KCNN2: variants seen among roughly 807,000 people sequenced by gnomAD.
KCNN2 encodes small conductance calcium-activated potassium channel protein 2.
KCNN2 carries 24 observed loss-of-function variants against 55.5 expected under a neutral mutation model. The observed-to-expected ratio is 0.43, with a 90% CI of 0.31 to 0.61. KCNN2 has a LOEUF of 0.61. Among genes scored for constraint, KCNN2 ranks in the 20% least tolerant of loss-of-function variants. The pLI is 0.08. For synonymous variants in KCNN2, 431 were observed against 336.1 expected (o/e 1.28, Z -3.09); for missense variants, 754 against 853.6 (o/e 0.88, Z 1.45).
intron 2 of KCNN2, among the ~76,000 whole-genome samples, chr5:114,255,926 G>A (rs745827212): frequency 5.3e-5 from 8 of 152,044 alleles, no homozygotes; most frequent in East Asian, 1.9e-4. Context: ...TAGTGGTGAC[G>A]TCTGGGTTTT....
chr5:114,378,062 G>A (rs1329318272), intron 2 of KCNN2, among the ~76,000 whole-genome samples: 1 of 152,232 alleles, frequency 6.6e-6, no homozygotes, highest in East Asian at 1.9e-4. Flanking sequence ...GTTCTCGTAA[G>A]AGGGACATTG....
chr5:114,146,990 A>G (rs576450006), intron 1 of KCNN2, among the ~76,000 whole-genome samples: 1 of 152,330 alleles, frequency 6.6e-6, no homozygotes, highest in East Asian at 1.9e-4. Context: ...CTATTGCCTT[A>G]GTGACAAGCA....
chr5:114,158,527 C>A (rs1356822176), intron 1 of KCNN2, among the ~76,000 whole-genome samples: 1 of 151,762 alleles, frequency 6.6e-6, no homozygotes, highest in Non-Finnish European at 1.5e-5. Context: ...TAGTTTTTTC[C>A]AATTCTGTGA....
At chr5:114,491,411 G>T (rs1327502838) in intron 6 of KCNN2, among the ~76,000 whole-genome samples, 1 of 151,254 alleles carries the variant, frequency 6.6e-6, no homozygotes, top group East Asian at 2.0e-4. Flanking sequence ...TACGAAGAAA[G>T]GTAAAGGTAA....
chr5:114,261,229 G>A (rs1039219899), intron 2 of KCNN2, among the ~76,000 whole-genome samples: 2 of 152,190 alleles, frequency 1.3e-5, no homozygotes, highest in African/African-American at 2.4e-5. Flanking sequence ...GAAATCAGTA[G>A]TGTCAAGACA....
chr5:114,287,220 T>C (rs1755772954), intron 2 of KCNN2, among the ~76,000 whole-genome samples: 1 of 152,110 alleles, frequency 6.6e-6, no homozygotes, highest in African/African-American at 2.4e-5. Flanking sequence ...GAAACAGAAA[T>C]ACCATTTGAC....
intron 2 of KCNN2, among the ~76,000 whole-genome samples, chr5:114,262,766 G>C (rs986708756): frequency 6.6e-6 from 1 of 152,114 alleles, no homozygotes; most frequent in Non-Finnish European, 1.5e-5. Context: ...TGTTGAGATG[G>C]ACAGCGTGCC....
At chr5:114,143,120 C>T (rs1439954544) in intron 1 of KCNN2, among the ~76,000 whole-genome samples, 1 of 151,940 alleles carries the variant, frequency 6.6e-6, no homozygotes, top group Non-Finnish European at 1.5e-5. Flanking sequence ...CTGGATATAC[C>T]AGCATTTATT....
intron 2 of KCNN2, among the ~76,000 whole-genome samples, chr5:114,370,218 C>T (rs1002975379): frequency 2.6e-5 from 4 of 152,092 alleles, no homozygotes; most frequent in Non-Finnish European, 1.5e-5. Context: ...TCACCCAGTT[C>T]CTGCTTAAAC....
intron 7 of KCNN2, among the ~76,000 whole-genome samples, chr5:114,494,446 T>C (rs2150144073): frequency 6.6e-6 from 1 of 150,994 alleles, no homozygotes; most frequent in East Asian, 1.9e-4. Context: ...TAGGAGAGCA[T>C]ATATCATGCA....
intron 2 of KCNN2, among the ~76,000 whole-genome samples, chr5:114,274,872 G>T (rs575002100): frequency 6.6e-6 from 1 of 152,278 alleles, no homozygotes; most frequent in East Asian, 1.9e-4. Flanking sequence ...CCAACACTAT[G>T]TTGAATAGGA....
upstream of KCNN2, among the ~76,000 whole-genome samples, chr5:114,357,897 C>T (rs1757328368): frequency 6.6e-6 from 1 of 151,376 alleles, no homozygotes; most frequent in Admixed American, 6.6e-5. Flanking sequence ...AATGGTTGAA[C>T]TAGTTTACAG....
intron 1 of KCNN2, among the ~76,000 whole-genome samples, chr5:114,083,319 T>C (rs916079822): frequency 5.3e-5 from 8 of 152,096 alleles, no homozygotes; most frequent in Non-Finnish European, 1.0e-4. Flanking sequence ...TTCTAGCTTT[T>C]TAAGATAGAA....
intron 1 of KCNN2, among the ~76,000 whole-genome samples, chr5:114,103,349 T>C (rs1751411381): frequency 6.6e-6 from 1 of 152,234 alleles, no homozygotes. Flanking sequence ...GTTTTCTAAA[T>C]ATACAATCAT....
Position 114,435,408 on chromosome 5 carries a change from T to C in KCNN2, c.1638-27641T>C, listed in dbSNP as rs1457522828. 2.0e-5 allele frequency among the ~76,000 whole-genome samples: 3 copies of C among 152,160 alleles called. No individual in the cohort carries two copies. In the East Asian group the frequency reaches 5.8e-4, roughly 29 times the overall value. On this transcript the variant is annotated intron_variant, in intron 3 of 7. Coordinates refer to ENST00000673685, the MANE Select transcript of KCNN2 (RefSeq NM_021614.4). ...TTTTTAGTTTGTCACCTTTTTTTAT[T>C]TTCTTGTTGTGAGGATAGGAACGAT...
chr5:114,135,685 C>T (rs1447634403), intron 1 of KCNN2, among the ~76,000 whole-genome samples: 1 of 152,166 alleles, frequency 6.6e-6, no homozygotes, highest in Admixed American at 6.5e-5. Context: ...AGTTAACAGA[C>T]ATCTGAGGAA....
At chr5:114,156,972 C>G (rs1473339137) in intron 1 of KCNN2, among the ~76,000 whole-genome samples, 3 of 151,504 alleles carry the variant, frequency 2.0e-5, no homozygotes, top group Non-Finnish European at 2.9e-5. Context: ...AAGGATTTTA[C>G]TGGAAATGCA....
chr5:114,470,495 A>G (rs1392011037), intron 4 of KCNN2, among the ~76,000 whole-genome samples: 2 of 152,198 alleles, frequency 1.3e-5, no homozygotes, highest in African/African-American at 2.4e-5. Flanking sequence ...GGTGGTTATC[A>G]TAGGTGGTCA....
chr5:114,297,917 A>G (rs1285127632), intron 2 of KCNN2, among the ~76,000 whole-genome samples: 1 of 152,180 alleles, frequency 6.6e-6, no homozygotes, highest in Non-Finnish European at 1.5e-5. Context: ...CCTGTGTCTC[A>G]GTTTCCTTAT....
Sources: gnomAD v4.1 joint callset for allele counts (sites outside exome capture counted in the v4.1 genomes callset) on GRCh38, gnomAD v4.1.1 for gene constraint, MANE v1.5 for transcripts, NCBI Gene and HGNC (gene_info 2026-07-23, HGNC 2026-07-21) for gene names.